Variants in ROBO2 observed in about 807,000 individuals in gnomAD.
ROBO2 encodes roundabout guidance receptor 2, also known as roundabout homolog 2.
Under a neutral mutation model 160.8 loss-of-function variants are expected in ROBO2, and 53 were observed. The ratio of observed to expected loss-of-function variants is 0.33; its 90% confidence interval spans 0.26 to 0.41. The LOEUF (loss-of-function observed/expected upper bound fraction) is 0.41. Among genes scored for constraint, ROBO2 ranks in the 10% least tolerant of loss-of-function variants. The pLI is 1.00. For synonymous variants in ROBO2, 664 were observed against 611.7 expected, an observed-to-expected ratio of 1.09 and a Z score of -1.26; for missense variants, 1,577 against 1,722.4, an observed-to-expected ratio of 0.92 and a Z score of 1.49.
At chr3:76,475,810 T>C (rs1227290417) in intron 2 of ROBO2, among the ~76,000 whole-genome samples, 1 of 152,186 alleles carries the variant, frequency 6.6e-6, no homozygotes, top group Non-Finnish European at 1.5e-5. Flanking sequence ...AGAATTCTAT[T>C]AGTCCCCTCA....
intron 2 of ROBO2, among the ~76,000 whole-genome samples, chr3:76,131,989 T>A (rs1456970289): frequency 3.3e-5 from 5 of 152,140 alleles, no homozygotes; most frequent in Admixed American, 6.5e-5. Flanking sequence ...ATAGCAGTTA[T>A]GACAATTTTG....
intron 2 of ROBO2, among the ~76,000 whole-genome samples, chr3:75,977,834 G>A (rs774058179): frequency 2.1e-4 from 32 of 151,498 alleles, no homozygotes; most frequent in Admixed American, 1.3e-3. Context: ...GGTATTTTGG[G>A]TAAAAATGAG....
chr3:77,609,722 AATT>A (rs1396885727), intron 21 of ROBO2, among the ~76,000 whole-genome samples: 1 of 150,702 alleles, frequency 6.6e-6, no homozygotes, highest in Non-Finnish European at 1.5e-5. Context: ...ATTTAACACA[AATT>A]ATTTTCAGTA....
At chr3:76,159,490 G>T (rs1326410263) in intron 2 of ROBO2, among the ~76,000 whole-genome samples, 1 of 152,106 alleles carries the variant, frequency 6.6e-6, no homozygotes, top group Non-Finnish European at 1.5e-5. Flanking sequence ...GCTACTTGTA[G>T]TATCCTTCAG....
intron 2 of ROBO2, among the ~76,000 whole-genome samples, chr3:76,882,509 T>C (rs1350246810): frequency 6.6e-6 from 1 of 152,170 alleles, no homozygotes; most frequent in Non-Finnish European, 1.5e-5. Context: ...AAAATAGCTT[T>C]TAAAAACACT....
At chr3:77,438,876 A>T (rs963576590) in intron 2 of ROBO2, among the ~76,000 whole-genome samples, 1 of 152,054 alleles carries the variant, frequency 6.6e-6, no homozygotes, top group Non-Finnish European at 1.5e-5. Flanking sequence ...AATACTAAAT[A>T]ACTCATATTG....
intron 2 of ROBO2, among the ~76,000 whole-genome samples, chr3:75,954,024 T>C (rs1429612381): frequency 6.6e-6 from 1 of 151,970 alleles, no homozygotes; most frequent in South Asian, 2.1e-4. Flanking sequence ...TCTCTATAGA[T>C]GTATTAATAC....
chr3:76,481,780 C>T (rs1477185642), intron 2 of ROBO2, among the ~76,000 whole-genome samples: 1 of 152,108 alleles, frequency 6.6e-6, no homozygotes, highest in Non-Finnish European at 1.5e-5. Context: ...AAGTTAAGAG[C>T]GTCACTCCAC....
rs543306872 is a variant in ROBO2, at chr3:77,295,529, G to T, written c.389-181885G>T. 8.7e-4 allele frequency among the ~76,000 whole-genome samples: 129 copies of T among 148,468 alleles called. 4 individuals carry two copies. Among genetic ancestry groups the T allele is most frequent in the Non-Finnish European group, 1.0e-3 (68 of 66,932 alleles). On this transcript the variant is annotated intron_variant, in intron 2 of 25. Coordinates refer to ENST00000461745, the Ensembl canonical transcript of ROBO2. ...CATAAAGTAAATTGACGGTTAAATG[G>T]GTAAGCTGAGGCTAGATCACCAAAG... is the stretch of plus-strand genomic sequence containing the variant.
At chr3:76,869,235 T>C (rs982998754) in intron 2 of ROBO2, among the ~76,000 whole-genome samples, 1 of 152,040 alleles carries the variant, frequency 6.6e-6, no homozygotes, top group Non-Finnish European at 1.5e-5. Flanking sequence ...TCAGTGCAGA[T>C]GTAGATCTGC....
intron 6 of ROBO2, among the ~76,000 whole-genome samples, chr3:77,541,599 T>C (rs528516604): frequency 7.4e-4 from 112 of 152,236 alleles, no homozygotes; most frequent in Non-Finnish European, 1.4e-3. Flanking sequence ...CACAACATAC[T>C]TTCCTTATAG....
At chr3:76,539,047 A>C (rs2082672243) in intron 2 of ROBO2, among the ~76,000 whole-genome samples, 1 of 152,140 alleles carries the variant, frequency 6.6e-6, no homozygotes, top group African/African-American at 2.4e-5. Flanking sequence ...CTTTGCAGGG[A>C]CATGGATGAA....
At chr3:77,318,271 C>T (rs115224035) in intron 2 of ROBO2, among the ~76,000 whole-genome samples, 8,514 of 152,096 alleles carry the variant, frequency 0.056, 743 homozygotes, top group African/African-American at 0.18. Flanking sequence ...TGACCTCGGG[C>T]GATCCGCCCA....
At chr3:76,256,385 A>G (rs1389769469) in intron 2 of ROBO2, among the ~76,000 whole-genome samples, 1 of 127,292 alleles carries the variant, frequency 7.9e-6, no homozygotes, top group African/African-American at 2.8e-5. Context: ...CACGCAAGGT[A>G]TGGTTGAGTT....
At chr3:77,632,340 C>T (rs998137099) in intron 23 of ROBO2, 1 of 634,192 alleles carries the variant, frequency 1.6e-6, no homozygotes, top group Non-Finnish European at 2.6e-6. Context: ...ATGATACTTG[C>T]ATTTGGCTAA....
chr3:76,771,551 C>T (rs191129820), intron 2 of ROBO2, among the ~76,000 whole-genome samples: 134 of 149,700 alleles, frequency 9.0e-4, no homozygotes, highest in African/African-American at 3.3e-3. Context: ...ACCTGAAAAA[C>T]CTGAAAAGAA....
chr3:76,077,701 T>TA (rs1218872175), intron 2 of ROBO2, among the ~76,000 whole-genome samples: 1 of 152,046 alleles, frequency 6.6e-6, no homozygotes, highest in African/African-American at 2.4e-5. Flanking sequence ...AGGAAACACA[T>TA]GTGGGTATGA....
intron 2 of ROBO2, among the ~76,000 whole-genome samples, chr3:76,022,601 C>T (rs1305083590): frequency 6.6e-6 from 1 of 151,546 alleles, no homozygotes; most frequent in African/African-American, 2.4e-5. Context: ...CAATGAACAG[C>T]AATATTTTGA....
chr3:77,299,613 G>A (rs749869467), intron 2 of ROBO2, among the ~76,000 whole-genome samples: 1 of 152,132 alleles, frequency 6.6e-6, no homozygotes, highest in African/African-American at 2.4e-5. Context: ...CAGCATAGGA[G>A]TAACTGCCCC....
Sources: gnomAD v4.1 joint callset for allele counts (sites outside exome capture counted in the v4.1 genomes callset) on GRCh38, gnomAD v4.1.1 for gene constraint, MANE v1.5 for transcripts, NCBI Gene and HGNC (gene_info 2026-07-23, HGNC 2026-07-21) for gene names.